Variants in NALF1 observed in about 807,000 individuals in gnomAD.
The protein encoded by NALF1 is family with sequence similarity 155 member A.
In NALF1, 3 loss-of-function variants were observed where a neutral mutation model predicts 48.4. That is an observed-to-expected ratio of 0.06 (90% CI 0.03 to 0.16). The LOEUF (loss-of-function observed/expected upper bound fraction) is 0.16, where lower values mean the gene tolerates loss of function less well. NALF1 is among the 10% of genes least tolerant of loss of function. NALF1 has a pLI of 1.00. For missense variants in NALF1, 526 were observed against 571.5 expected (o/e 0.92, Z 0.81); for synonymous variants, 262 against 245.7 (o/e 1.07, Z -0.62).
intron 1 of NALF1, among the ~76,000 whole-genome samples, chr13:107,726,359 T>C (rs2084953576): frequency 6.6e-6 from 1 of 152,300 alleles, no homozygotes; most frequent in South Asian, 2.1e-4. Flanking sequence ...TAATCTGTGA[T>C]GGAATATTTA....
At chr13:107,211,715 C>A (rs908002653) in intron 1 of NALF1, among the ~76,000 whole-genome samples, 3 of 152,108 alleles carry the variant, frequency 2.0e-5, no homozygotes, top group Non-Finnish European at 4.4e-5. Flanking sequence ...TAATATTATC[C>A]AAGTAACATT....
rs1226324240 is a variant in NALF1, at chr13:107,867,220, G to A, written c.-624C>T. ...CCTCCGCCTCCCGCTCCTGCTCCGC[G>A]CTGGCTCTCCCAGAGTCCGGAGCCT... On this transcript the variant is annotated 5_prime_UTR_variant, in exon 1 of 3. Coordinates refer to ENST00000375915, the MANE Select transcript of NALF1 (RefSeq NM_001080396.3). The surrounding 1 kb of genome is among the most constrained non-coding windows in gnomAD (Gnocchi z 4.4). 4.0e-5 allele frequency among the ~76,000 whole-genome samples: 6 copies of A among 150,084 alleles called. No homozygotes were observed. Among genetic ancestry groups the A allele is most frequent in the African/African-American group, 1.2e-4 (5 of 40,794 alleles).
chr13:107,184,021 G>A (rs774221224), intron 2 of NALF1, among the ~76,000 whole-genome samples: 6 of 148,212 alleles, frequency 4.0e-5, no homozygotes, highest in Non-Finnish European at 7.4e-5. Context: ...CTCTGTTGCC[G>A]GGCTGGAGTG....
In NALF1 at chr13:107,168,024, GA is replaced by G. The variant is rs1878702677; in HGVS notation, c.*2472del. 1 of 152,248 alleles carries G rather than the reference GA, an allele frequency of 6.6e-6. No individual in the cohort carries two copies. Among genetic ancestry groups the G allele is most frequent in the South Asian group, 2.1e-4 (1 of 4,832 alleles). 9.4% of individuals were successfully genotyped at this position (152,248 alleles called of 1,614,324 possible). On this transcript the variant is annotated 3_prime_UTR_variant, in exon 3 of 3. Coordinates refer to ENST00000375915, the MANE Select transcript of NALF1 (RefSeq NM_001080396.3). ...ATTGTCATACCAATAAAAGTGAGTGGAATTTGCACTTGCATTGTCATTTTCC... is the reference window on the plus strand; with the variant it reads ...ATTGTCATACCAATAAAAGTGAGTGGATTTGCACTTGCATTGTCATTTTCC...
At position 107,852,163 on chromosome 13, in the gene NALF1, T is replaced by C. The variant is rs566569527; in HGVS notation, c.915+13519A>G. Among the ~76,000 whole-genome samples the C allele has an allele frequency of 2.0e-5, 3 of 152,276 alleles. No homozygotes were observed. The South Asian group carries it at 6.2e-4, about 32-fold the overall frequency. ...AGAAAAAGAAAAGCAAGTATTCTTC[T>C]AGGTTTTCCATTATATTCTTTTCTT... is the stretch of plus-strand genomic sequence containing the variant. On this transcript the variant is annotated intron_variant, in intron 1 of 2. Coordinates refer to ENST00000375915, the MANE Select transcript of NALF1 (RefSeq NM_001080396.3).
chr13:107,700,289 C>A (rs1473645857), intron 1 of NALF1, among the ~76,000 whole-genome samples: 1 of 151,952 alleles, frequency 6.6e-6, no homozygotes, highest in African/African-American at 2.4e-5. Flanking sequence ...CAGTATGGTA[C>A]TGTCATAAAA....
At chr13:107,766,747 G>C (rs966084436) in intron 1 of NALF1, among the ~76,000 whole-genome samples, 1 of 152,126 alleles carries the variant, frequency 6.6e-6, no homozygotes, top group Non-Finnish European at 1.5e-5. Context: ...TTCAAAGCAA[G>C]AAAATTTCTA....
In NALF1 at chr13:107,194,294, T is replaced by C. The variant is rs111780916; in HGVS notation, c.1087+16290A>G. ...TCTTATACATAAAAAGTATTCAAAA[T>C]TGGAGACATCATATTACCCAACTTC... On this transcript the variant is annotated intron_variant, in intron 2 of 2. Transcript: ENST00000375915. Among the ~76,000 whole-genome samples the C allele has an allele frequency of 2.3e-3, 343 of 152,218 alleles. 3 individuals carry two copies. The highest frequency in any genetic ancestry group is 3.9e-3 in the Non-Finnish European group (263 of 67,988).
chr13:107,334,927 G>T (rs1003304006), intron 1 of NALF1, among the ~76,000 whole-genome samples: 1 of 152,086 alleles, frequency 6.6e-6, no homozygotes, highest in African/African-American at 2.4e-5. Flanking sequence ...TGGGATAGAG[G>T]CTCATGTTAC....
chr13:107,392,474 C>G (rs1012288467), intron 1 of NALF1, among the ~76,000 whole-genome samples: 3 of 152,100 alleles, frequency 2.0e-5, no homozygotes, highest in African/African-American at 7.2e-5. Flanking sequence ...AGATAGCCCT[C>G]TCACGCAGCA....
At chr13:107,424,432 C>T (rs1231549991) in intron 1 of NALF1, among the ~76,000 whole-genome samples, 1 of 152,116 alleles carries the variant, frequency 6.6e-6, no homozygotes, top group African/African-American at 2.4e-5. Flanking sequence ...AGCCACCGCC[C>T]CTGGTGTCAA....
At chr13:107,332,811 C>T (rs1882493061) in intron 1 of NALF1, among the ~76,000 whole-genome samples, 1 of 152,040 alleles carries the variant, frequency 6.6e-6, no homozygotes, top group African/African-American at 2.4e-5. Flanking sequence ...CCCAACCCAT[C>T]AGTACATTCT....
At chr13:107,865,131 A>G (rs1403813060) in intron 1 of NALF1, among the ~76,000 whole-genome samples, 1 of 152,198 alleles carries the variant, frequency 6.6e-6, no homozygotes, top group Non-Finnish European at 1.5e-5. Context: ...AGGCCCCCAG[A>G]CTTTCTGAAC....
intron 1 of NALF1, among the ~76,000 whole-genome samples, chr13:107,288,242 C>T (rs61965524): frequency 2.0e-4 from 22 of 110,798 alleles, no homozygotes; most frequent in African/African-American, 7.6e-4. Flanking sequence ...TTTTTTGAGA[C>T]GGAGTCTCGC....
At chr13:107,369,815 T>C (rs139768147) in intron 1 of NALF1, among the ~76,000 whole-genome samples, 244 of 152,328 alleles carry the variant, frequency 1.6e-3, no homozygotes, top group African/African-American at 5.6e-3. Context: ...TGGTAAGTTT[T>C]CTTCACATTC....
At chr13:107,781,671 T>C (rs75870036) in intron 1 of NALF1, among the ~76,000 whole-genome samples, 1 of 151,940 alleles carries the variant, frequency 6.6e-6, no homozygotes, top group East Asian at 1.9e-4. Flanking sequence ...ATTAGATCCA[T>C]CCTCAGGATC....
At chr13:107,731,487 A>G (rs1876306668) in intron 1 of NALF1, among the ~76,000 whole-genome samples, 5 of 152,036 alleles carry the variant, frequency 3.3e-5, no homozygotes. Flanking sequence ...TTTACAGACT[A>G]TTTTGTCACC....
chr13:107,612,974 G>GT (rs1299741058), intron 1 of NALF1, among the ~76,000 whole-genome samples: 10 of 149,202 alleles, frequency 6.7e-5, no homozygotes, highest in South Asian at 2.1e-4. Flanking sequence ...AAATTTATGG[G>GT]TTTTTTTGGG....
intron 1 of NALF1, among the ~76,000 whole-genome samples, chr13:107,782,085 G>A (rs539374300): frequency 6.0e-4 from 91 of 151,942 alleles, no homozygotes; most frequent in African/African-American, 2.0e-3. Flanking sequence ...CTCTTTCCAC[G>A]GTCTCCCTCT....
Sources: gnomAD v4.1 joint callset for allele counts (sites outside exome capture counted in the v4.1 genomes callset) on GRCh38, gnomAD v4.1.1 for gene constraint, Gnocchi (gnomAD v3.1) non-coding constraint, MANE v1.5 for transcripts, NCBI Gene and HGNC (gene_info 2026-07-23, HGNC 2026-07-21) for gene names.